ESCO2: variants seen among roughly 807,000 people sequenced by gnomAD.
ESCO2 encodes establishment of sister chromatid cohesion N-acetyltransferase 2.
A neutral mutation model predicts 61.7 loss-of-function variants in ESCO2; 51 were observed. That is an observed-to-expected ratio of 0.83 (90% CI 0.66 to 1.04). ESCO2 has a LOEUF of 1.04. Ranked by LOEUF, ESCO2 falls within the 50% of genes least tolerant of loss-of-function variation. ESCO2 has a pLI of 0.00. For synonymous variants in ESCO2, 230 were observed against 238.2 expected (o/e 0.97, Z 0.32); for missense variants, 692 against 686.2 (o/e 1.01, Z -0.09).
chr8:27,780,857 GC>G (rs1804910153), intron 4 of ESCO2, among the ~76,000 whole-genome samples: 1 of 152,016 alleles, frequency 6.6e-6, no homozygotes, highest in Admixed American at 6.6e-5. Context: ...AATACATAAA[GC>G]TTTTTTTTAT....
chr8:27,816,343 C>CTTATATATATATATATATATATATATA (rs1554559818), downstream of ESCO2, among the ~76,000 whole-genome samples: 1 of 136,356 alleles, frequency 7.3e-6, no homozygotes, highest in African/African-American at 2.9e-5. Flanking sequence ...TCATCGAATA[C>CTTATATATATATATATATATATATATA]TATATATATA....
intron 5 of ESCO2, among the ~76,000 whole-genome samples, chr8:27,784,889 G>T (rs1323367420): frequency 1.3e-5 from 2 of 152,158 alleles, no homozygotes; most frequent in Admixed American, 6.5e-5. Context: ...CAGTGATTAG[G>T]ATGGGTGCAC....
downstream of ESCO2, among the ~76,000 whole-genome samples, chr8:27,816,287 A>C (rs1330459530): frequency 6.6e-6 from 1 of 151,220 alleles, no homozygotes; most frequent in Non-Finnish European, 1.5e-5. Context: ...TATAGTATTA[A>C]TATTTGCAAA....
At chr8:27,783,871 A>G in intron 4 of ESCO2, 129 bp from the exon 5 acceptor site, 1 of 872,830 alleles carries the variant, frequency 1.1e-6, no homozygotes, top group East Asian at 2.6e-5. Flanking sequence ...TCCTCCATGG[A>G]ATTACCTTTG....
At chr8:27,774,105 G>C (rs1317395907), upstream of ESCO2, among the ~76,000 whole-genome samples, 2 of 152,260 alleles carry the variant, frequency 1.3e-5, no homozygotes, top group African/African-American at 4.8e-5. Context: ...AATAAAAAAA[G>C]TGAAACTGAC....
intron 5 of ESCO2, among the ~76,000 whole-genome samples, chr8:27,785,080 G>A (rs974956397): frequency 6.6e-6 from 1 of 152,234 alleles, no homozygotes; most frequent in East Asian, 1.9e-4. Context: ...TTGGCTCACA[G>A]TTATAGAGGC....
At chr8:27,810,290 C>T (rs1164668153), downstream of ESCO2, 6 of 1,574,266 alleles carry the variant, frequency 3.8e-6, no homozygotes, top group Non-Finnish European at 4.4e-6. Context: ...AGCCACACTT[C>T]AGCTGAGATG....
intron 3 of ESCO2, chr8:27,777,731 C>T (rs1294839994): frequency 6.6e-6 from 1 of 152,378 alleles, no homozygotes; most frequent in East Asian, 1.9e-4. Flanking sequence ...TTTTGTGGGG[C>T]AGCTAGGGGC....
At chr8:27,787,420 G>A (rs1396724093) in intron 5 of ESCO2, among the ~76,000 whole-genome samples, 1 of 122,572 alleles carries the variant, frequency 8.2e-6, no homozygotes, top group Non-Finnish European at 1.8e-5. Flanking sequence ...CCCAGGTGCT[G>A]GGTCATAATA....
chr8:27,807,076 TTTTC>T (rs556512339), downstream of ESCO2, among the ~76,000 whole-genome samples: 42 of 152,316 alleles, frequency 2.8e-4, 1 homozygote, highest in African/African-American at 1.0e-3. Flanking sequence ...TGTGAATGAG[TTTTC>T]TTTTAGAATC....
intron 3 of ESCO2, 189 bp from the exon 4 acceptor site, chr8:27,779,985 A>T: frequency 3.7e-6 from 2 of 541,874 alleles, no homozygotes; most frequent in South Asian, 4.1e-5. Flanking sequence ...TTTAAAGGTA[A>T]TGTACGCTTA....
rs57571614 is a variant in ESCO2 at position 27,787,415 on chromosome 8, G to GTAATATGT, written c.1014-469_1014-468insAATATGTT. ...CAAATTTAGAAGCTTCATTGCCCAG[G>GTAATATGT]TGCTGGGTCATAATATGATGGTGAC... On this transcript the variant is annotated intron_variant, in intron 5 of 10. Transcript: ENST00000305188. Among the ~76,000 whole-genome samples, 27 of 151,480 alleles carry GTAATATGT rather than the reference G, an allele frequency of 1.8e-4. No individual in the cohort carries two copies. In the East Asian group the frequency reaches 4.9e-3, roughly 27 times the overall value.
downstream of ESCO2, among the ~76,000 whole-genome samples, chr8:27,816,343 C>CTATATATA (rs767822258): frequency 7.3e-6 from 1 of 136,384 alleles, no homozygotes; most frequent in African/African-American, 2.9e-5. Flanking sequence ...TCATCGAATA[C>CTATATATA]TATATATATA....
At chr8:27,772,493 A>G (rs1397070256), upstream of ESCO2, 28 of 1,549,888 alleles carry the variant, frequency 1.8e-5, no homozygotes, top group Non-Finnish European at 2.4e-5. Flanking sequence ...AGGGTCCAGG[A>G]GGACGTGGCG....
chr8:27,795,875 A>G (rs1805285266), intron 9 of ESCO2, among the ~76,000 whole-genome samples: 1 of 152,148 alleles, frequency 6.6e-6, no homozygotes, highest in Non-Finnish European at 1.5e-5. Flanking sequence ...TTAATGTGCT[A>G]GTTTGCATCT....
At chr8:27,776,194 TAAAG>T (rs997328030) in intron 2 of ESCO2, among the ~76,000 whole-genome samples, 164 bp from the exon 3 acceptor site, 17 of 152,012 alleles carry the variant, frequency 1.1e-4, no homozygotes, top group Non-Finnish European at 2.4e-4. Context: ...TTTTATTTGA[TAAAG>T]ACAGAATTTG....
rs1026091386 is a variant in ESCO2 at position 27,787,971 on chromosome 8, C to T, written c.1100C>T (p.Thr367Ile). 1 of 1,613,008 alleles carries T rather than the reference C, an allele frequency of 6.2e-7. No individual in the cohort carries two copies. Among genetic ancestry groups the T allele is most frequent in the Non-Finnish European group, 8.5e-7 (1 of 1,179,354 alleles). ...CAGAAAAATACTAATACCAGAGATACAAGTAAAAAAACAAAAGACCAGCTC... is the reference window on the plus strand; with the variant it reads ...CAGAAAAATACTAATACCAGAGATATAAGTAAAAAAACAAAAGACCAGCTC... ...NIQKNTNTRDTSKKTKDQLII... is the reference protein window; with the variant it reads ...NIQKNTNTRDISKKTKDQLII... The change falls in exon 6 of 11, where the codon ACA (threonine) becomes ATA (isoleucine). Residue 367 changes from threonine (T) to isoleucine (I), a missense_variant. Coordinates refer to ENST00000305188, the MANE Select transcript of ESCO2 (RefSeq NM_001017420.3).
downstream of ESCO2, chr8:27,810,033 C>G (rs1267782212): frequency 2.6e-6 from 1 of 377,826 alleles, no homozygotes; most frequent in East Asian, 5.5e-5. Flanking sequence ...CAGTTTACAG[C>G]GTTTTACTGC....
At chr8:27,816,123 T>TAA (rs1429374908), downstream of ESCO2, among the ~76,000 whole-genome samples, 2 of 152,012 alleles carry the variant, frequency 1.3e-5, no homozygotes, top group African/African-American at 4.8e-5. Flanking sequence ...TAGACTAGGT[T>TAA]AAGGGCCACT....
Sources: allele counts gnomAD v4.1 joint callset (sites outside exome capture counted in the v4.1 genomes callset), GRCh38; gene constraint gnomAD v4.1.1; transcripts MANE v1.5; gene names NCBI Gene and HGNC (gene_info 2026-07-23, HGNC 2026-07-21).